Variants in TNIK observed in about 807,000 individuals in gnomAD.
TNIK encodes TRAF2 and NCK interacting kinase, also known as TRAF2 and NCK-interacting protein kinase.
Under a neutral mutation model 191.3 loss-of-function variants are expected in TNIK, and 49 were observed. The observed-to-expected ratio is 0.26, with a 90% CI of 0.20 to 0.32. The LOEUF (loss-of-function observed/expected upper bound fraction) is 0.32, where lower values mean the gene tolerates loss of function less well. Ranked by LOEUF, TNIK falls within the 10% of genes least tolerant of loss-of-function variation. The probability of loss-of-function intolerance (pLI) is 1.00; values close to 1 mark genes in which losing one functional copy is unlikely to be tolerated. For missense variants in TNIK, 1,155 were observed against 1,702.3 expected (o/e 0.68, Z 5.66); for synonymous variants, 594 against 600.9 (o/e 0.99, Z 0.17).
chr3:171,345,245 T>C (rs1182863727), intron 2 of TNIK, among the ~76,000 whole-genome samples: 3 of 152,216 alleles, frequency 2.0e-5, no homozygotes, highest in Non-Finnish European at 4.4e-5. Context: ...CTTTTTTGTT[T>C]GGGATTCTGG....
chr3:171,076,694 T>G (rs1483152917), intron 28 of TNIK, among the ~76,000 whole-genome samples: 1 of 152,228 alleles, frequency 6.6e-6, no homozygotes, highest in African/African-American at 2.4e-5. Flanking sequence ...CTAGGGCTTA[T>G]GAAAACCAAG....
chr3:171,338,249 C>T (rs1274618162), intron 2 of TNIK, among the ~76,000 whole-genome samples: 1 of 152,076 alleles, frequency 6.6e-6, no homozygotes, highest in Non-Finnish European at 1.5e-5. Flanking sequence ...GCCCTCATTT[C>T]AGTAACAACA....
At chr3:171,260,150 A>G (rs1334279849) in intron 2 of TNIK, among the ~76,000 whole-genome samples, 1 of 152,054 alleles carries the variant, frequency 6.6e-6, no homozygotes, top group African/African-American at 2.4e-5. Context: ...TGTTTTCAGC[A>G]AGAGTCCTGT....
At chr3:171,261,414 CACTT>C (rs945740784) in intron 2 of TNIK, among the ~76,000 whole-genome samples, 1 of 152,146 alleles carries the variant, frequency 6.6e-6, no homozygotes, top group African/African-American at 2.4e-5. Flanking sequence ...CACAACTTCC[CACTT>C]ACTTATTTGC....
At chr3:171,134,898 A>G (rs867253831) in intron 15 of TNIK, among the ~76,000 whole-genome samples, 1 of 152,246 alleles carries the variant, frequency 6.6e-6, no homozygotes, top group African/African-American at 2.4e-5. Context: ...ATGGAAAAGT[A>G]AGCAAAGAAG....
intron 12 of TNIK, among the ~76,000 whole-genome samples, chr3:171,156,095 A>T (rs2108706123): frequency 6.6e-6 from 1 of 152,342 alleles, no homozygotes; most frequent in South Asian, 2.1e-4. Flanking sequence ...AATGGGGATT[A>T]TGAGTTTTGC....
intron 18 of TNIK, among the ~76,000 whole-genome samples, chr3:171,112,470 C>T (rs929641312): frequency 1.3e-5 from 2 of 152,048 alleles, no homozygotes; most frequent in African/African-American, 2.4e-5. Context: ...TTTCTGTGCT[C>T]ATTGTAAAAA....
intron 1 of TNIK, among the ~76,000 whole-genome samples, chr3:171,406,511 C>T (rs1323666867): frequency 6.6e-6 from 1 of 152,164 alleles, no homozygotes; most frequent in Non-Finnish European, 1.5e-5. Flanking sequence ...CTTACTGTAA[C>T]CGTGAGCTCC....
chr3:171,278,516 C>CA (rs1014011483), intron 2 of TNIK, among the ~76,000 whole-genome samples: 23 of 151,670 alleles, frequency 1.5e-4, no homozygotes, highest in Admixed American at 1.2e-3. Flanking sequence ...ATAAAGAAAC[C>CA]AAAAAAAGCC....
At chr3:171,344,915 G>T (rs973402391) in intron 2 of TNIK, among the ~76,000 whole-genome samples, 1 of 152,044 alleles carries the variant, frequency 6.6e-6, no homozygotes, top group East Asian at 1.9e-4. Context: ...AGGAGCTGCC[G>T]AGATTAATAA....
In TNIK at chr3:171,356,320, G is replaced by T. The variant is rs369111757; in HGVS notation, c.123+13300C>A. Among the ~76,000 whole-genome samples the T allele has an allele frequency of 3.9e-5, 6 of 152,172 alleles. No individual in the cohort carries two copies. In the East Asian group the frequency reaches 1.2e-3, roughly 29 times the overall value. On this transcript the variant is annotated intron_variant, in intron 2 of 32. Transcript: ENST00000436636. The stretch of plus-strand genomic sequence containing the variant: ...ACAGATGTATTTTATATTGTAAAAT[G>T]TAAGTAGCCCAAGGTATGCCGCTTC...
At chr3:171,285,018 T>C (rs1750864527) in intron 2 of TNIK, among the ~76,000 whole-genome samples, 2 of 152,228 alleles carry the variant, frequency 1.3e-5, no homozygotes. Context: ...TAAAACCTTC[T>C]TTCCTTGAGA....
chr3:171,365,799 C>A (rs1158753563), intron 2 of TNIK, among the ~76,000 whole-genome samples: 2 of 152,166 alleles, frequency 1.3e-5, no homozygotes, highest in Non-Finnish European at 2.9e-5. Flanking sequence ...CCACGACGGC[C>A]TCCCTACTTT....
chr3:171,224,144 C>A (rs1374196797), intron 3 of TNIK, among the ~76,000 whole-genome samples: 2 of 152,086 alleles, frequency 1.3e-5, no homozygotes, highest in African/African-American at 4.8e-5. Flanking sequence ...GCTGCTGGGA[C>A]GAAAGCAGAG....
intron 2 of TNIK, among the ~76,000 whole-genome samples, chr3:171,296,852 A>G (rs1421620129): frequency 3.3e-5 from 5 of 152,202 alleles, no homozygotes; most frequent in African/African-American, 1.2e-4. Flanking sequence ...TTTCTCCTCT[A>G]TCAGAGATGA....
intron 18 of TNIK, among the ~76,000 whole-genome samples, chr3:171,114,719 A>ATAAG (rs1726407390): frequency 6.6e-6 from 1 of 152,236 alleles, no homozygotes; most frequent in South Asian, 2.1e-4. Context: ...TAACAGTAAA[A>ATAAG]TCAGTTGCAG....
At chr3:171,301,566 C>G (rs568268140) in intron 2 of TNIK, among the ~76,000 whole-genome samples, 1 of 152,336 alleles carries the variant, frequency 6.6e-6, no homozygotes, top group Admixed American at 6.5e-5. Flanking sequence ...CCGCCTGCCT[C>G]AGCCTCCCAA....
intron 2 of TNIK, chr3:171,346,904 A>G (rs1488328755): frequency 2.5e-6 from 1 of 396,864 alleles, no homozygotes; most frequent in Non-Finnish European, 4.5e-6. Flanking sequence ...ATGGGAAATC[A>G]TTCAAAAGGT....
At chr3:171,267,604 G>A (rs1748548403) in intron 2 of TNIK, among the ~76,000 whole-genome samples, 1 of 152,130 alleles carries the variant, frequency 6.6e-6, no homozygotes, top group East Asian at 1.9e-4. Flanking sequence ...TGATTCCAGA[G>A]ACTAAATACT....
Sources: gnomAD v4.1 joint callset for allele counts (sites outside exome capture counted in the v4.1 genomes callset) on GRCh38, gnomAD v4.1.1 for gene constraint, MANE v1.5 for transcripts, NCBI Gene and HGNC (gene_info 2026-07-23, HGNC 2026-07-21) for gene names.